Variants in CAMKMT observed in about 807,000 individuals in gnomAD.
The protein encoded by CAMKMT is calmodulin-lysine N-methyltransferase, also known as CaM KMT.
In CAMKMT, 53 loss-of-function variants were observed where a neutral mutation model predicts 48.0. The observed-to-expected ratio is 1.10, with a 90% CI of 0.89 to 1.39. The LOEUF (loss-of-function observed/expected upper bound fraction) is 1.39, where lower values mean the gene tolerates loss of function less well. Ranked by LOEUF, CAMKMT falls within the 40% of genes most tolerant of loss-of-function variation. The probability of loss-of-function intolerance (pLI) is 0.00; values close to 1 mark genes in which losing one functional copy is unlikely to be tolerated. For missense variants in CAMKMT, 428 were observed against 402.7 expected (o/e 1.06, Z -0.54); for synonymous variants, 165 against 152.3 (o/e 1.08, Z -0.61).
chr2:44,771,590 C>T (rs903624119), intron 10 of CAMKMT, among the ~76,000 whole-genome samples: 2 of 152,140 alleles, frequency 1.3e-5, no homozygotes, highest in Non-Finnish European at 2.9e-5. Flanking sequence ...GTCTTGGGCC[C>T]CACAAGCCTT....
chr2:44,559,136 T>G (rs1668189275), intron 3 of CAMKMT, among the ~76,000 whole-genome samples: 1 of 152,184 alleles, frequency 6.6e-6, no homozygotes, highest in South Asian at 2.1e-4. Context: ...GCTATCCAAC[T>G]TGAACACTTT....
intron 1 of CAMKMT, 78 bp downstream of exon 1, chr2:44,362,223 T>C (rs2104311634): frequency 7.8e-7 from 1 of 1,276,990 alleles, no homozygotes; most frequent in South Asian, 1.6e-5. Context: ...CTGTTCGCAG[T>C]TCTTTCCTCT....
chr2:44,523,659 A>G (rs1671243463), intron 3 of CAMKMT, among the ~76,000 whole-genome samples: 2 of 151,960 alleles, frequency 1.3e-5, no homozygotes, highest in Admixed American at 1.3e-4. Context: ...AGGATGACCT[A>G]AAGGCTTAAC....
At chr2:44,379,806 TG>T (rs1680061279) in intron 2 of CAMKMT, among the ~76,000 whole-genome samples, 1 of 152,048 alleles carries the variant, frequency 6.6e-6, no homozygotes, top group South Asian at 2.1e-4. Context: ...TTTGCACTCC[TG>T]TCTTTGTGTT....
Position 44,742,067 on chromosome 2 carries a change from C to T in CAMKMT, c.624-1555C>T, listed in dbSNP as rs74644681. Reference sequence around the variant, plus strand: ...GATGTATACTTTAAACCATCTTGCTCATGGTTCAAGTCTTAGACTCTAAAA... The same window carrying T: ...GATGTATACTTTAAACCATCTTGCTTATGGTTCAAGTCTTAGACTCTAAAA... On this transcript the variant is annotated intron_variant, in intron 7 of 10. Transcript: ENST00000378494. 1.2e-3 allele frequency among the ~76,000 whole-genome samples: 181 copies of T among 151,978 alleles called. 2 individuals are homozygous for T. The highest frequency in any genetic ancestry group is 5.4e-3 in the South Asian group (26 of 4,806).
chr2:44,559,603 T>C (rs533245573), intron 3 of CAMKMT, among the ~76,000 whole-genome samples: 8 of 152,306 alleles, frequency 5.3e-5, no homozygotes, highest in Non-Finnish European at 1.0e-4. Flanking sequence ...ACCAAATCTG[T>C]TATCCCTTTG....
intron 9 of CAMKMT, among the ~76,000 whole-genome samples, chr2:44,762,236 C>T (rs188319438): frequency 8.5e-5 from 13 of 152,212 alleles, no homozygotes; most frequent in African/African-American, 3.1e-4. Flanking sequence ...ATCTGTAATC[C>T]CAACACTTTG....
chr2:44,754,681 T>G (rs1375452548), intron 9 of CAMKMT, among the ~76,000 whole-genome samples: 1 of 152,226 alleles, frequency 6.6e-6, no homozygotes, highest in Non-Finnish European at 1.5e-5. Context: ...TAAAATATTG[T>G]GCACATTTTT....
At chr2:44,418,985 G>T (rs1343061790) in intron 3 of CAMKMT, among the ~76,000 whole-genome samples, 1 of 151,948 alleles carries the variant, frequency 6.6e-6, no homozygotes, top group African/African-American at 2.4e-5. Flanking sequence ...CCTAAATATT[G>T]CATTTTAAAA....
chr2:44,481,367 A>G (rs77808876), intron 3 of CAMKMT, among the ~76,000 whole-genome samples: 4,095 of 152,078 alleles, frequency 0.027, 183 homozygotes, highest in African/African-American at 0.093. Flanking sequence ...TTTTTAGCAT[A>G]TTTATAATAG....
chr2:44,615,155 G>A (rs1244157902), intron 3 of CAMKMT, among the ~76,000 whole-genome samples: 1 of 151,576 alleles, frequency 6.6e-6, no homozygotes, highest in Admixed American at 6.6e-5. Context: ...CAAACTTCTG[G>A]CCTCAAGTGA....
In CAMKMT at chr2:44,459,102, G is replaced by GA. The variant is rs879786386; in HGVS notation, c.376+68809dup. On this transcript the variant is annotated intron_variant, in intron 3 of 10. Coordinates refer to ENST00000378494, the MANE Select transcript of CAMKMT (RefSeq NM_024766.5). ...TACCTCTGTAGACATTTCTAAGTGG[G>GA]AAAAAAAAAAAAGATTTAGGAATAG... Among the ~76,000 whole-genome samples the GA allele has an allele frequency of 1.7e-3, 240 of 141,998 alleles. 1 individual carries two copies. The highest frequency in any genetic ancestry group is 3.1e-3 in the African/African-American group (119 of 38,974). The allele number at this position is 141,998 out of a possible 152,430, so 93.2% of individuals were successfully genotyped here. A position where few individuals can be genotyped will look rare whatever the true frequency, so the allele number is the denominator to read the frequency against.
chr2:44,513,377 T>A (rs1449891026), intron 3 of CAMKMT, among the ~76,000 whole-genome samples: 5 of 152,212 alleles, frequency 3.3e-5, no homozygotes, highest in Non-Finnish European at 7.3e-5. Flanking sequence ...CAAATTATGT[T>A]TCTAGTACAC....
intron 3 of CAMKMT, among the ~76,000 whole-genome samples, chr2:44,682,470 A>G (rs1432866052): frequency 6.6e-6 from 1 of 152,230 alleles, no homozygotes; most frequent in Non-Finnish European, 1.5e-5. Flanking sequence ...GCTGAAGCAT[A>G]ATCTTAGGTT....
intron 3 of CAMKMT, among the ~76,000 whole-genome samples, chr2:44,435,766 A>G (rs1168520085): frequency 1.3e-5 from 2 of 152,234 alleles, no homozygotes; most frequent in Non-Finnish European, 2.9e-5. Context: ...TCTCATTCAC[A>G]TAGCAGAAGG....
intron 6 of CAMKMT, among the ~76,000 whole-genome samples, chr2:44,710,427 A>G (rs343963): frequency 0.11 from 17,216 of 152,128 alleles, 1,134 homozygotes; most frequent in South Asian, 0.18. Flanking sequence ...AGTTTTCCCT[A>G]AAGTCTCCTT....
At chr2:44,445,672 T>G (rs555701170) in intron 3 of CAMKMT, among the ~76,000 whole-genome samples, 66,451 of 105,530 alleles carry the variant, frequency 0.63, 22,068 homozygotes, top group Middle Eastern at 0.74. Context: ...TTTTTTTTTT[T>G]TTTTTTTTTT....
chr2:44,572,793 A>G (rs1259055086), intron 3 of CAMKMT, among the ~76,000 whole-genome samples: 3 of 152,160 alleles, frequency 2.0e-5, no homozygotes, highest in African/African-American at 4.8e-5. Flanking sequence ...TTTGGGGTCT[A>G]TCTCTGGAAG....
intron 7 of CAMKMT, among the ~76,000 whole-genome samples, chr2:44,715,574 G>A (rs1030919648): frequency 1.3e-5 from 2 of 152,168 alleles, no homozygotes; most frequent in Non-Finnish European, 2.9e-5. Context: ...GAGAAAACAA[G>A]ATAAGTATAT....
Sources: allele counts gnomAD v4.1 joint callset (sites outside exome capture counted in the v4.1 genomes callset), GRCh38; gene constraint gnomAD v4.1.1; transcripts MANE v1.5; gene names NCBI Gene and HGNC (gene_info 2026-07-23, HGNC 2026-07-21).